CDC42SE2: variants seen among roughly 807,000 people sequenced by gnomAD.
CDC42SE2 encodes the protein CDC42 small effector 2.
CDC42SE2 carries 3 observed loss-of-function variants against 11.5 expected under a neutral mutation model. That is an observed-to-expected ratio of 0.26 (90% CI 0.12 to 0.67). The LOEUF (loss-of-function observed/expected upper bound fraction) is 0.67, where lower values mean the gene tolerates loss of function less well. Ranked by LOEUF, CDC42SE2 falls within the 30% of genes least tolerant of loss-of-function variation. The probability of loss-of-function intolerance (pLI) is 0.80; values close to 1 mark genes in which losing one functional copy is unlikely to be tolerated. For missense variants in CDC42SE2, 82 were observed against 106.8 expected, an observed-to-expected ratio of 0.77 and a Z score of 1.02; for synonymous variants, 33 against 34.8, an observed-to-expected ratio of 0.95 and a Z score of 0.18.
intron 2 of CDC42SE2, among the ~76,000 whole-genome samples, chr5:131,258,030 G>A (rs7356708): frequency 1.2e-3 from 178 of 151,984 alleles, no homozygotes; most frequent in African/African-American, 4.0e-3. Flanking sequence ...TGCCAGCAGA[G>A]TCCACTCCCT....
At chr5:131,224,484 G>A in the CDC42SE2 span, among the ~76,000 whole-genome samples, 2 of 152,012 alleles carry the variant, frequency 1.3e-5, no homozygotes, top group Non-Finnish European at 2.9e-5. Flanking sequence ...TTCCTGTTGG[G>A]TTCTCCCTTC....
the CDC42SE2 span, among the ~76,000 whole-genome samples, chr5:131,213,767 T>C: frequency 6.6e-6 from 1 of 152,216 alleles, no homozygotes; most frequent in African/African-American, 2.4e-5. Context: ...CTGATTCTTT[T>C]TGAAGAAAGC....
chr5:131,369,842 C>G (rs575200569), intron 3 of CDC42SE2, among the ~76,000 whole-genome samples: 1 of 152,302 alleles, frequency 6.6e-6, no homozygotes, highest in South Asian at 2.1e-4. Context: ...CAGAAAAAGA[C>G]ACATTTAGAT....
intron 1 of CDC42SE2, among the ~76,000 whole-genome samples, chr5:131,267,396 C>A (rs1305490057): frequency 6.6e-6 from 1 of 151,836 alleles, no homozygotes; most frequent in Admixed American, 6.6e-5. Flanking sequence ...CTAGTGTTTT[C>A]AAAGTATTGT....
chr5:131,320,821 G>C (rs756698080), intron 2 of CDC42SE2, among the ~76,000 whole-genome samples: 2 of 152,172 alleles, frequency 1.3e-5, no homozygotes, highest in Non-Finnish European at 2.9e-5. Context: ...AATAAAAAGA[G>C]TCCCAAATTC....
intron 1 of CDC42SE2, among the ~76,000 whole-genome samples, chr5:131,282,887 C>A (rs1300579513): frequency 6.6e-6 from 1 of 150,762 alleles, no homozygotes; most frequent in African/African-American, 2.4e-5. Flanking sequence ...CCTTGGCCTC[C>A]CAAAGTCCTG....
chr5:131,323,081 A>G (rs1274899709), intron 2 of CDC42SE2, among the ~76,000 whole-genome samples: 2 of 151,922 alleles, frequency 1.3e-5, no homozygotes, highest in African/African-American at 4.8e-5. Context: ...AGGCTCGAGT[A>G]TAATGGACAA....
intron 2 of CDC42SE2, among the ~76,000 whole-genome samples, chr5:131,255,804 T>C (rs537666613): frequency 1.2e-4 from 19 of 152,276 alleles, no homozygotes; most frequent in Middle Eastern, 3.4e-3. Flanking sequence ...AATTCCACTA[T>C]AATAATGGAG....
At chr5:131,329,597 G>T (rs1013981255) in intron 2 of CDC42SE2, among the ~76,000 whole-genome samples, 2 of 151,968 alleles carry the variant, frequency 1.3e-5, no homozygotes, top group Admixed American at 6.6e-5. Flanking sequence ...AAGAGTTCCA[G>T]GCTGGGCGCG....
intron 3 of CDC42SE2, among the ~76,000 whole-genome samples, chr5:131,380,597 A>G (rs1750293029): frequency 6.6e-6 from 1 of 151,934 alleles, no homozygotes; most frequent in Admixed American, 6.6e-5. Context: ...GAGTGTAAAG[A>G]ACACTTCCAC....
the CDC42SE2 span, among the ~76,000 whole-genome samples, chr5:131,217,584 T>G: frequency 3.9e-5 from 6 of 152,208 alleles, no homozygotes; most frequent in African/African-American, 1.4e-4. Flanking sequence ...GAATGGTATG[T>G]AGATCTAAAC....
At chr5:131,292,125 A>G (rs1757468675) in intron 1 of CDC42SE2, among the ~76,000 whole-genome samples, 1 of 150,742 alleles carries the variant, frequency 6.6e-6, no homozygotes, top group Non-Finnish European at 1.5e-5. Context: ...TGTTGTCTCA[A>G]CTACTCGGGA....
intron 2 of CDC42SE2, among the ~76,000 whole-genome samples, chr5:131,350,635 G>A (rs572238965): frequency 8.4e-4 from 115 of 136,814 alleles, no homozygotes; most frequent in Middle Eastern, 3.6e-3. Context: ...GTGTGTGTGT[G>A]TGTATATATA....
intron 3 of CDC42SE2, among the ~76,000 whole-genome samples, chr5:131,383,546 C>G (rs914766215): frequency 2.0e-5 from 3 of 152,082 alleles, no homozygotes; most frequent in Non-Finnish European, 4.4e-5. Context: ...AATAATACAA[C>G]TTTTTCAGAG....
At chr5:131,297,723 A>C (rs1012197811) in intron 1 of CDC42SE2, among the ~76,000 whole-genome samples, 2 of 132,592 alleles carry the variant, frequency 1.5e-5, no homozygotes, top group African/African-American at 7.1e-5. Context: ...CCATTTCAAA[A>C]ATAAATAAAT....
intron 2 of CDC42SE2, among the ~76,000 whole-genome samples, chr5:131,317,628 T>C (rs1179943514): frequency 6.6e-5 from 10 of 152,198 alleles, no homozygotes; most frequent in Admixed American, 2.0e-4. Context: ...AAATCATTTT[T>C]TTTTTTTGAC....
intron 2 of CDC42SE2, among the ~76,000 whole-genome samples, chr5:131,329,264 C>G (rs773177435): frequency 6.6e-6 from 1 of 152,240 alleles, no homozygotes; most frequent in Non-Finnish European, 1.5e-5. Context: ...CCCTTTGCTT[C>G]AGGCTCCAGG....
At chr5:131,354,418 A>G (rs756009937) in intron 2 of CDC42SE2, among the ~76,000 whole-genome samples, 1 of 152,276 alleles carries the variant, frequency 6.6e-6, no homozygotes. Context: ...AGAGGTAACC[A>G]TTCTCCTGAC....
intron 2 of CDC42SE2, among the ~76,000 whole-genome samples, chr5:131,325,426 T>C (rs1484975066): frequency 2.0e-5 from 3 of 152,140 alleles, no homozygotes; most frequent in Non-Finnish European, 4.4e-5. Flanking sequence ...AGCTTCCCCT[T>C]TGTGGATTTT....
Sources: allele counts gnomAD v4.1 joint callset (sites outside exome capture counted in the v4.1 genomes callset), GRCh38; gene constraint gnomAD v4.1.1; transcripts MANE v1.5; gene names NCBI Gene and HGNC (gene_info 2026-07-23, HGNC 2026-07-21).